The following SCN1A variants were observed in gnomAD, a reference collection of about 807,000 sequenced individuals.
The protein encoded by SCN1A is sodium channel protein type 1 subunit alpha.
Under a neutral mutation model 193.7 loss-of-function variants are expected in SCN1A, and 13 were observed. That is an observed-to-expected ratio of 0.07 (90% CI 0.04 to 0.11). The LOEUF (loss-of-function observed/expected upper bound fraction) is 0.11. SCN1A is among the 10% of genes least tolerant of loss of function. The pLI, the probability that SCN1A is intolerant of heterozygous loss-of-function variation, is 1.00. For missense variants in SCN1A, 1,432 were observed against 2,451.1 expected (o/e 0.58, Z 8.78); for synonymous variants, 781 against 843.6 (o/e 0.93, Z 1.29).
chr2:166,135,227 C>T (rs1691810704), intron 1 of SCN1A, among the ~76,000 whole-genome samples: 1 of 152,132 alleles, frequency 6.6e-6, no homozygotes, highest in African/African-American at 2.4e-5. Context: ...TATCAATCAC[C>T]TCACTTGCCT....
chr2:166,019,966 A>G (rs1693806341), intron 19 of SCN1A, among the ~76,000 whole-genome samples: 3 of 147,466 alleles, frequency 2.0e-5, no homozygotes, highest in Admixed American at 6.9e-5. Context: ...GCTGGAGTGC[A>G]GTGGCGCGAT....
chr2:166,021,695 G>A (rs1004670770), intron 19 of SCN1A, among the ~76,000 whole-genome samples: 12 of 152,054 alleles, frequency 7.9e-5, no homozygotes, highest in Admixed American at 2.6e-4. Flanking sequence ...TTAGAACTTA[G>A]AGAAAGTCTA....
At chr2:166,076,158 T>G (rs1320489792) in intron 3 of SCN1A, among the ~76,000 whole-genome samples, 1 of 151,946 alleles carries the variant, frequency 6.6e-6, no homozygotes, top group African/African-American at 2.4e-5. Flanking sequence ...AATTGTTAGG[T>G]GATTATCTAA....
Position 165,992,035 on chromosome 2 carries a change from T to A in SCN1A, c.5240A>T (p.Asn1747Ile). 1 of 1,613,896 alleles carries A rather than the reference T, an allele frequency of 6.2e-7. No individual in the cohort carries two copies. Among genetic ancestry groups the A allele is most frequent in the Non-Finnish European group, 8.5e-7 (1 of 1,179,928 alleles). ...KPPDCDPNKV[N>I]PGSSVKGDCG... ...GTCTCCCTTAACTGAGCTTCCAGGG[T>A]TAACTTTATTAGGGTCACAGTCGGG... is the stretch of plus-strand genomic sequence containing the variant. Residue 1747 changes from asparagine (N) to isoleucine (I), a missense_variant, in exon 29 of 29, where the codon AAC (asparagine) becomes ATC (isoleucine). This residue lies in a region of SCN1A where 85 missense variants were observed against 213.2 expected (regional missense o/e 0.40). Coordinates refer to ENST00000674923, the MANE Select transcript of SCN1A (RefSeq NM_001165963.4). This position sits in a 1 kb window ranked among gnomAD's most constrained non-coding sequence, Gnocchi z 6.5.
intron 2 of SCN1A, among the ~76,000 whole-genome samples, chr2:166,118,224 G>A (rs1325322307): frequency 7.2e-6 from 1 of 139,712 alleles, no homozygotes; most frequent in Non-Finnish European, 1.5e-5. Flanking sequence ...TCCACTTTTT[G>A]CTATTCCACA....
chr2:166,093,665 C>G (rs747532861), intron 2 of SCN1A, among the ~76,000 whole-genome samples: 12 of 152,206 alleles, frequency 7.9e-5, no homozygotes, highest in South Asian at 2.1e-4. Flanking sequence ...ATAAATAAAC[C>G]ATTTTACTTA....
intron 1 of SCN1A, among the ~76,000 whole-genome samples, chr2:166,145,241 T>C (rs1692271972): frequency 2.3e-5 from 1 of 44,316 alleles, no homozygotes; most frequent in Admixed American, 2.7e-4. Flanking sequence ...GATTTCACTG[T>C]GTTAGCCACC....
At chr2:166,141,346 T>G (rs1362999884) in intron 1 of SCN1A, among the ~76,000 whole-genome samples, 1 of 151,802 alleles carries the variant, frequency 6.6e-6, no homozygotes, top group Non-Finnish European at 1.5e-5. Flanking sequence ...CTTGTGTATA[T>G]CCAAGCATCT....
intron 2 of SCN1A, among the ~76,000 whole-genome samples, chr2:166,098,289 A>C (rs564617572): frequency 6.6e-6 from 1 of 152,308 alleles, no homozygotes; most frequent in African/African-American, 2.4e-5. Context: ...ATCTTAATTA[A>C]GATGCGGAAA....
chr2:166,139,167 T>C (rs1415639726), intron 1 of SCN1A, among the ~76,000 whole-genome samples: 4 of 152,196 alleles, frequency 2.6e-5, no homozygotes, highest in African/African-American at 9.7e-5. Flanking sequence ...CTTTGGATTG[T>C]GGACTTTTCA....
chr2:166,145,997 C>T (rs12619301), intron 1 of SCN1A, among the ~76,000 whole-genome samples: 122,797 of 152,022 alleles, frequency 0.81, 50,204 homozygotes, highest in African/African-American at 0.94. Context: ...GGAGAAAATG[C>T]GGGTAGAAGC....
At chr2:166,138,792 C>A (rs1185600989) in intron 1 of SCN1A, among the ~76,000 whole-genome samples, 1 of 152,170 alleles carries the variant, frequency 6.6e-6, no homozygotes, top group African/African-American at 2.4e-5. Flanking sequence ...GGTAGATCCA[C>A]TGACAGCTTG....
chr2:166,091,568 T>A (rs950784180), intron 2 of SCN1A, among the ~76,000 whole-genome samples: 8 of 152,196 alleles, frequency 5.3e-5, no homozygotes, highest in Non-Finnish European at 1.2e-4. Context: ...TGAACCAAGC[T>A]GCAGAGAAGA....
intron 1 of SCN1A, among the ~76,000 whole-genome samples, chr2:166,133,245 G>A (rs1005025855): frequency 6.6e-6 from 1 of 152,104 alleles, no homozygotes; most frequent in African/African-American, 2.4e-5. Context: ...TCGAGACAAC[G>A]CACAGAAGCC....
chr2:166,065,469 C>T (rs2105945707), intron 4 of SCN1A, among the ~76,000 whole-genome samples: 1 of 152,184 alleles, frequency 6.6e-6, no homozygotes, highest in South Asian at 2.1e-4. Flanking sequence ...ATGGTCTCAC[C>T]TACTTCCCTT....
At chr2:166,035,895 T>G (rs1446193794) in intron 19 of SCN1A, among the ~76,000 whole-genome samples, 153 bp downstream of exon 19, 1 of 151,580 alleles carries the variant, frequency 6.6e-6, no homozygotes, top group Non-Finnish European at 1.5e-5. Context: ...TAGAGCATGG[T>G]TTCTAGTGAA....
chr2:166,018,507 A>T (rs770145393), intron 19 of SCN1A, among the ~76,000 whole-genome samples: 1 of 152,050 alleles, frequency 6.6e-6, no homozygotes, highest in African/African-American at 2.4e-5. Flanking sequence ...TTATTTAGAC[A>T]TTTATTTTTA....
At chr2:166,079,152 G>A (rs1685251730) in intron 2 of SCN1A, among the ~76,000 whole-genome samples, 1 of 151,562 alleles carries the variant, frequency 6.6e-6, no homozygotes, top group Admixed American at 6.6e-5. Flanking sequence ...GACCTTCTAT[G>A]TCTGTACATA....
At chr2:166,035,878 C>T (rs551370238) in intron 19 of SCN1A, among the ~76,000 whole-genome samples, 170 bp downstream of exon 19, 148 of 151,594 alleles carry the variant, frequency 9.8e-4, no homozygotes, top group Middle Eastern at 3.4e-3. Context: ...GATCAAAATT[C>T]AAAATTTAGA....
Sources: allele counts gnomAD v4.1 joint callset (sites outside exome capture counted in the v4.1 genomes callset), GRCh38; gene constraint gnomAD v4.1.1; regional missense constraint gnomAD v4.1.1; non-coding constraint Gnocchi (gnomAD v3.1); transcripts MANE v1.5; gene names NCBI Gene and HGNC (gene_info 2026-07-23, HGNC 2026-07-21).